The following ADAMTS3 variants were observed in gnomAD, a reference collection of about 807,000 sequenced individuals.
ADAMTS3 encodes ADAM metallopeptidase with thrombospondin type 1 motif 3.
A neutral mutation model predicts 129.0 loss-of-function variants in ADAMTS3; 73 were observed. The ratio of observed to expected loss-of-function variants is 0.57; its 90% CI spans 0.47 to 0.69. The LOEUF (loss-of-function observed/expected upper bound fraction) is 0.69. ADAMTS3 is among the 30% of genes least tolerant of loss of function. The probability of loss-of-function intolerance (pLI) is 0.00; values close to 1 mark genes in which losing one functional copy is unlikely to be tolerated. For synonymous variants in ADAMTS3, 477 were observed against 510.8 expected (o/e 0.93, Z 0.89); for missense variants, 1,457 against 1,514.5 (o/e 0.96, Z 0.63).
intron 5 of ADAMTS3, among the ~76,000 whole-genome samples, chr4:72,329,854 A>AGCTCTACT (rs1484141190): frequency 6.6e-6 from 1 of 151,852 alleles, no homozygotes; most frequent in African/African-American, 2.4e-5. Flanking sequence ...TTAGCTCTAC[A>AGCTCTACT]GCTCTACTTT....
At chr4:72,544,453 A>C (rs941963225) in intron 3 of ADAMTS3, among the ~76,000 whole-genome samples, 2 of 152,146 alleles carry the variant, frequency 1.3e-5, no homozygotes, top group African/African-American at 4.8e-5. Flanking sequence ...TTACCACAGC[A>C]ATCAGTGCAA....
At chr4:72,304,468 G>C (rs1489074936) in intron 16 of ADAMTS3, among the ~76,000 whole-genome samples, 1 of 151,960 alleles carries the variant, frequency 6.6e-6, no homozygotes, top group Non-Finnish European at 1.5e-5. Context: ...TTTATGCTAG[G>C]ATAGCATATA....
chr4:72,511,770 CA>C (rs1720321506), intron 3 of ADAMTS3, among the ~76,000 whole-genome samples: 2 of 152,054 alleles, frequency 1.3e-5, no homozygotes, highest in South Asian at 4.1e-4. Context: ...GGTATATACC[CA>C]AAAGAAAGGC....
At chr4:72,457,935 G>T (rs1718667577) in intron 3 of ADAMTS3, among the ~76,000 whole-genome samples, 1 of 151,574 alleles carries the variant, frequency 6.6e-6, no homozygotes, top group Non-Finnish European at 1.5e-5. Context: ...ACTCATCTTT[G>T]GAGGGGATGA....
intron 4 of ADAMTS3, among the ~76,000 whole-genome samples, chr4:72,379,514 C>G (rs1410126138): frequency 6.7e-6 from 1 of 150,356 alleles, no homozygotes; most frequent in East Asian, 1.9e-4. Flanking sequence ...TCTTCTGGCA[C>G]TAACAGTCCA....
At chr4:72,309,686 T>A (rs866475403) in intron 14 of ADAMTS3, among the ~76,000 whole-genome samples, 166 bp from the exon 15 acceptor site, 18 of 152,036 alleles carry the variant, frequency 1.2e-4, no homozygotes, top group African/African-American at 4.1e-4. Context: ...TTAAAAAAAA[T>A]AATGGGAAAC....
chr4:72,398,444 G>A (rs897263658), intron 4 of ADAMTS3, among the ~76,000 whole-genome samples: 3 of 152,094 alleles, frequency 2.0e-5, no homozygotes, highest in Admixed American at 6.6e-5. Context: ...GCATAGTAAC[G>A]CACAACTGTA....
rs202045679 is a variant in ADAMTS3 at position 72,549,343 on chromosome 4, AC to A, written c.98-460del. The stretch of plus-strand genomic sequence containing the variant: ...CCTGGAATTTAGACTAATTACAATA[AC>A]TATATTACATGAGTCTGTAATGTAT... On this transcript the variant is annotated intron_variant, in intron 2 of 21. Coordinates refer to ENST00000286657, the MANE Select transcript of ADAMTS3 (RefSeq NM_014243.3). 7.4e-3 allele frequency among the ~76,000 whole-genome samples: 1,124 copies of A among 152,282 alleles called. 5 individuals carry two copies. Among genetic ancestry groups the A allele is most frequent in the Middle Eastern group, 0.024 (7 of 294 alleles).
intron 3 of ADAMTS3, among the ~76,000 whole-genome samples, chr4:72,455,218 C>A (rs1718511137): frequency 6.6e-6 from 1 of 151,498 alleles, no homozygotes; most frequent in Non-Finnish European, 1.5e-5. Context: ...TAAGAGCCAA[C>A]AAATATAGAA....
chr4:72,543,940 A>T (rs1454905847), intron 3 of ADAMTS3, among the ~76,000 whole-genome samples: 1 of 152,106 alleles, frequency 6.6e-6, no homozygotes. Context: ...TAGATAGTGC[A>T]TCTCAAAACT....
intron 11 of ADAMTS3, 118 bp from the exon 12 acceptor site, chr4:72,313,940 G>A (rs1181276421): frequency 4.3e-6 from 5 of 1,157,534 alleles, no homozygotes; most frequent in Non-Finnish European, 6.2e-6. Flanking sequence ...TCCAGGTGGA[G>A]ATGCATTTAA....
chr4:72,396,327 T>TA (rs1400688418), intron 4 of ADAMTS3, among the ~76,000 whole-genome samples: 1 of 151,960 alleles, frequency 6.6e-6, no homozygotes, highest in Non-Finnish European at 1.5e-5. Flanking sequence ...TAGGAGAAGC[T>TA]AAAAAACAGA....
intron 3 of ADAMTS3, among the ~76,000 whole-genome samples, chr4:72,459,045 G>A (rs547749518): frequency 6.6e-6 from 1 of 151,724 alleles, no homozygotes; most frequent in East Asian, 1.9e-4. Flanking sequence ...TTTTACTTCT[G>A]AAAAACATTT....
intron 5 of ADAMTS3, among the ~76,000 whole-genome samples, chr4:72,331,220 T>C (rs1719842578): frequency 6.6e-6 from 1 of 152,144 alleles, no homozygotes. Context: ...AGGATATTCC[T>C]GGGAAGGTGA....
At position 72,311,117 on chromosome 4, in the gene ADAMTS3, T is replaced by C; in HGVS notation, c.1986A>G (p.Gln662=). The C allele has an allele frequency of 1.2e-6, 2 of 1,612,772 alleles. No homozygotes were observed. Among genetic ancestry groups the C allele is most frequent in the Non-Finnish European group, 1.7e-6 (2 of 1,179,120 alleles). Reference sequence around the variant, plus strand: ...AACAGTGCGTTCCATCATGCACCAGTTGTTTCATGTAAGCAACATCTCCAG... The same window carrying C: ...AACAGTGCGTTCCATCATGCACCAGCTGTTTCATGTAAGCAACATCTCCAG... ...KETGDVAYMK[Q]LVHDGTHCSY... is the part of the protein sequence containing the mutation. Residue 662 remains glutamine, a synonymous_variant, in exon 14 of 22, where the codon CAA becomes CAG. Transcript: ENST00000286657.
chr4:72,305,643 A>G (rs1045322146), intron 16 of ADAMTS3, among the ~76,000 whole-genome samples: 2 of 151,954 alleles, frequency 1.3e-5, no homozygotes, highest in African/African-American at 4.8e-5. Context: ...TTTTAAAGTA[A>G]GCATAGTTGG....
intron 3 of ADAMTS3, among the ~76,000 whole-genome samples, chr4:72,535,316 T>C (rs1432805344): frequency 1.3e-5 from 2 of 152,226 alleles, no homozygotes; most frequent in Non-Finnish European, 1.5e-5. Flanking sequence ...CCATTGTGTT[T>C]GGGTTGCTAA....
Position 72,303,950 on chromosome 4 carries a change from G to A in ADAMTS3, c.2391C>T (p.Thr797=), listed in dbSNP as rs188872063. ...TAACAGGATCATGTAAAGGTCCATC[G>A]GTGTGAAGACTTTCAATGTCATCTT... ...NIEDDIESLH[T]DGPLHDPVIV... is the part of the protein sequence containing the mutation. The change falls in exon 17 of 22, where the codon ACC becomes ACT. Residue 797 remains threonine (T), a synonymous_variant. Transcript: ENST00000286657. 6.8e-5 allele frequency: 110 copies of A among 1,613,486 alleles called. No homozygotes were observed. The highest frequency in any genetic ancestry group is 6.2e-4 in the Admixed American group (37 of 59,982).
chr4:72,558,248 A>G (rs1054099122), intron 2 of ADAMTS3, among the ~76,000 whole-genome samples: 1 of 151,856 alleles, frequency 6.6e-6, no homozygotes, highest in Non-Finnish European at 1.5e-5. Context: ...ACAGTCTACT[A>G]GGTCACTGAG....
Sources: allele counts gnomAD v4.1 joint callset (sites outside exome capture counted in the v4.1 genomes callset), GRCh38; gene constraint gnomAD v4.1.1; transcripts MANE v1.5; gene names NCBI Gene and HGNC (gene_info 2026-07-23, HGNC 2026-07-21).